Variants in SLC24A2 observed in about 807,000 individuals in gnomAD.
The protein encoded by SLC24A2 is sodium/potassium/calcium exchanger 2.
Under a neutral mutation model 62.0 loss-of-function variants are expected in SLC24A2, and 36 were observed. That is an observed-to-expected ratio of 0.58 (90% CI 0.44 to 0.77). The LOEUF is 0.77. SLC24A2 is among the 30% of genes least tolerant of loss of function. SLC24A2 has a pLI of 0.00. For synonymous variants in SLC24A2, 358 were observed against 294.0 expected (o/e 1.22, Z -2.23); for missense variants, 846 against 817.9 (o/e 1.03, Z -0.42).
At chr9:19,685,212 A>G (rs1006752073) in intron 2 of SLC24A2, among the ~76,000 whole-genome samples, 1 of 152,148 alleles carries the variant, frequency 6.6e-6, no homozygotes, top group African/African-American at 2.4e-5. Context: ...AGAGAGGTGA[A>G]AGATCTCTAC....
chr9:20,045,339 C>G, the SLC24A2 span, among the ~76,000 whole-genome samples: 17 of 151,978 alleles, frequency 1.1e-4, no homozygotes, highest in African/African-American at 3.4e-4. Context: ...GGGAGTCTCC[C>G]TAAGGAAATG....
chr9:20,014,941 T>C, the SLC24A2 span, among the ~76,000 whole-genome samples: 2 of 152,230 alleles, frequency 1.3e-5, no homozygotes, highest in African/African-American at 4.8e-5. Context: ...ATTAGTTTGA[T>C]TTAATCATGC....
At chr9:19,640,385 A>G (rs766541763) in intron 2 of SLC24A2, among the ~76,000 whole-genome samples, 1 of 152,224 alleles carries the variant, frequency 6.6e-6, no homozygotes, top group Non-Finnish European at 1.5e-5. Flanking sequence ...ACACCTTCAT[A>G]TTACTTGGGT....
At chr9:20,294,775 C>A in the SLC24A2 span, among the ~76,000 whole-genome samples, 142 of 152,234 alleles carry the variant, frequency 9.3e-4, no homozygotes, top group African/African-American at 3.2e-3. Context: ...CCATCCTCAA[C>A]CTCACAAGTG....
the SLC24A2 span, among the ~76,000 whole-genome samples, chr9:20,038,509 T>G: frequency 6.6e-6 from 1 of 151,536 alleles, no homozygotes; most frequent in Non-Finnish European, 1.5e-5. Flanking sequence ...ACCCTACGAA[T>G]AAAAACTCAA....
chr9:19,615,590 T>C (rs935101448), intron 4 of SLC24A2, among the ~76,000 whole-genome samples: 10 of 152,226 alleles, frequency 6.6e-5, no homozygotes, highest in African/African-American at 1.2e-4. Context: ...TTTTAAAGCA[T>C]TGAAGTGCTT....
chr9:20,068,034 C>T, the SLC24A2 span, among the ~76,000 whole-genome samples: 8 of 151,420 alleles, frequency 5.3e-5, no homozygotes, highest in Admixed American at 3.3e-4. Context: ...TGCAACCTCA[C>T]CAACATCTGT....
chr9:19,751,866 TAGA>T (rs1472027870), intron 2 of SLC24A2, among the ~76,000 whole-genome samples: 24 of 152,308 alleles, frequency 1.6e-4, no homozygotes, highest in Non-Finnish European at 2.8e-4. Flanking sequence ...TACCAAGAGA[TAGA>T]AGAAGACTTG....
At chr9:20,266,092 C>T in the SLC24A2 span, among the ~76,000 whole-genome samples, 413 of 152,272 alleles carry the variant, frequency 2.7e-3, no homozygotes, top group African/African-American at 9.5e-3. Context: ...TTAATTTCGC[C>T]CTGGTCCTGT....
intron 2 of SLC24A2, among the ~76,000 whole-genome samples, chr9:19,781,298 T>C (rs1357738709): frequency 3.9e-5 from 6 of 151,952 alleles, no homozygotes; most frequent in Non-Finnish European, 7.4e-5. Flanking sequence ...TATCTAGTTC[T>C]AACAAAAAAG....
the SLC24A2 span, among the ~76,000 whole-genome samples, chr9:19,808,711 C>G: frequency 6.6e-6 from 1 of 152,136 alleles, no homozygotes; most frequent in Non-Finnish European, 1.5e-5. The surrounding 1 kb of genome is among the most constrained non-coding windows in gnomAD (Gnocchi z 4.1). Context: ...TCATTATCCC[C>G]CTTATAAGGT....
chr9:20,117,384 TC>T, the SLC24A2 span, among the ~76,000 whole-genome samples: 1 of 152,146 alleles, frequency 6.6e-6, no homozygotes, highest in East Asian at 1.9e-4. Flanking sequence ...GATAATTCTG[TC>T]ATTTTTTTCA....
chr9:19,615,529 G>A lies in SLC24A2; in HGVS notation c.1078+4055C>T, dbSNP rs553091981. ...GAATGGAAAATGATTGTGAATTTTG[G>A]GGGAAAAATACCAGAGCAATCTGTT... On this transcript the variant is annotated intron_variant, in intron 4 of 10. Transcript: ENST00000341998. 8.5e-5 allele frequency among the ~76,000 whole-genome samples: 13 copies of A among 152,236 alleles called. No homozygotes were observed. In the South Asian group the frequency reaches 2.7e-3, roughly 32 times the overall value.
At chr9:19,587,341 T>C (rs1293431207) in intron 5 of SLC24A2, among the ~76,000 whole-genome samples, 3 of 152,226 alleles carry the variant, frequency 2.0e-5, no homozygotes, top group Non-Finnish European at 4.4e-5. Context: ...TATTCAGTAG[T>C]TGCCCCTATT....
the SLC24A2 span, among the ~76,000 whole-genome samples, chr9:19,948,550 T>G: frequency 6.6e-6 from 1 of 152,202 alleles, no homozygotes; most frequent in Non-Finnish European, 1.5e-5. Context: ...AAGAATAGAT[T>G]GACTGTTAAG....
intron 8 of SLC24A2, among the ~76,000 whole-genome samples, chr9:19,539,329 C>T (rs1190386715): frequency 7.1e-6 from 1 of 140,234 alleles, no homozygotes; most frequent in East Asian, 2.1e-4. Flanking sequence ...CCTGCTTTCT[C>T]TTGTAGGCAT....
At chr9:20,230,785 G>A in the SLC24A2 span, among the ~76,000 whole-genome samples, 5 of 152,140 alleles carry the variant, frequency 3.3e-5, no homozygotes, top group African/African-American at 1.2e-4. Flanking sequence ...TGCTTTTGGT[G>A]TTTTAGACAT....
intron 2 of SLC24A2, among the ~76,000 whole-genome samples, chr9:19,653,016 C>T (rs1818844842): frequency 6.6e-6 from 1 of 152,138 alleles, no homozygotes; most frequent in Admixed American, 6.5e-5. Flanking sequence ...TCTTACTTGG[C>T]TTTGGTTTAC....
chr9:20,290,064 A>T, the SLC24A2 span, among the ~76,000 whole-genome samples: 2 of 152,168 alleles, frequency 1.3e-5, no homozygotes, highest in Non-Finnish European at 2.9e-5. Flanking sequence ...ACAGTGGCTT[A>T]CAGGTCTCTT....
Sources: gnomAD v4.1 joint callset for allele counts (sites outside exome capture counted in the v4.1 genomes callset) on GRCh38, gnomAD v4.1.1 for gene constraint, Gnocchi (gnomAD v3.1) non-coding constraint, MANE v1.5 for transcripts, NCBI Gene and HGNC (gene_info 2026-07-23, HGNC 2026-07-21) for gene names.